Variants in ZC3H7B observed in about 807,000 individuals in gnomAD.
ZC3H7B encodes the protein zinc finger CCCH domain-containing protein 7B.
A neutral mutation model predicts 116.0 loss-of-function variants in ZC3H7B; 35 were observed. The ratio of observed to expected loss-of-function variants is 0.30; its 90% CI spans 0.23 to 0.40. The LOEUF is 0.40. ZC3H7B is among the 10% of genes least tolerant of loss of function. ZC3H7B has a pLI of 1.00. For missense variants in ZC3H7B, 1,011 were observed against 1,321.5 expected (o/e 0.77, Z 3.64); for synonymous variants, 502 against 545.6 (o/e 0.92, Z 1.11).
intron 5 of ZC3H7B, among the ~76,000 whole-genome samples, chr22:41,328,624 C>A (rs1022381641): frequency 6.6e-6 from 1 of 152,146 alleles, no homozygotes. Flanking sequence ...CTGCCCTGTT[C>A]GCTGGGGTAT....
chr22:41,331,390 C>T (rs1375967565), intron 6 of ZC3H7B, among the ~76,000 whole-genome samples: 1 of 139,912 alleles, frequency 7.1e-6, no homozygotes, highest in African/African-American at 2.8e-5. Context: ...CCTGTCTCTA[C>T]TAAAAATACG....
chr22:41,321,867 T>C (rs1441472893), intron 2 of ZC3H7B, among the ~76,000 whole-genome samples: 2 of 106,690 alleles, frequency 1.9e-5, no homozygotes, highest in East Asian at 6.8e-4. Context: ...TGAGACGGAG[T>C]CTCGCTCTGT....
intron 1 of ZC3H7B, among the ~76,000 whole-genome samples, chr22:41,305,086 C>T (rs1314434052): frequency 2.0e-5 from 3 of 152,186 alleles, no homozygotes; most frequent in Non-Finnish European, 2.9e-5. Context: ...GTGGCTCACG[C>T]CTGTAATCCC....
At position 41,330,817 on chromosome 22, in the gene ZC3H7B, C is replaced by G. The variant is rs963049002; in HGVS notation, c.525+714C>G. On this transcript the variant is annotated intron_variant, in intron 6 of 22. Coordinates refer to ENST00000352645, the MANE Select transcript of ZC3H7B (RefSeq NM_017590.6). ...ATTAGCTTGGGGTGGTGGCACATGC[C>G]TGTAATCCCAGCTACTCGGGAGGCT... Among the ~76,000 whole-genome samples the G allele has an allele frequency of 1.1e-4, 17 of 150,888 alleles. No individual in the cohort carries two copies. In the South Asian group the frequency reaches 3.6e-3, roughly 32 times the overall value.
intron 5 of ZC3H7B, among the ~76,000 whole-genome samples, chr22:41,328,958 G>A (rs972349172): frequency 2.0e-5 from 3 of 151,058 alleles, no homozygotes; most frequent in Non-Finnish European, 2.9e-5. Context: ...AGGCCGAGGC[G>A]GGTGGATCAC....
At chr22:41,314,249 C>T (rs545179996) in intron 1 of ZC3H7B, among the ~76,000 whole-genome samples, 26 of 150,552 alleles carry the variant, frequency 1.7e-4, no homozygotes, top group East Asian at 8.0e-4. Context: ...CTCTGCCTCC[C>T]GGGTTCAAGC....
chr22:41,311,068 CTTTTTTT>C (rs747090159), intron 1 of ZC3H7B, among the ~76,000 whole-genome samples: 2 of 132,142 alleles, frequency 1.5e-5, no homozygotes, highest in Admixed American at 7.6e-5. Flanking sequence ...CCCAGCCTCA[CTTTTTTT>C]TTTTTTTTTT....
At chr22:41,329,904 T>C in intron 5 of ZC3H7B, 119 bp from the exon 6 acceptor site, 1 of 975,436 alleles carries the variant, frequency 1.0e-6, no homozygotes, top group Non-Finnish European at 1.5e-6. Context: ...GGCCTCACTT[T>C]CTCATCTATA....
chr22:41,332,234 T>G lies in ZC3H7B; in HGVS notation c.582+7T>G, dbSNP rs776790324. ...GGCTGGCGTGGCAGATCAGGTAGGA[T>G]CGGGGCTGAACCAACCTGTCTCAGT... On this transcript the variant is annotated splice_region_variant and intron_variant, in intron 7 of 22. Transcript: ENST00000352645. 1 of 1,614,026 alleles carries G rather than the reference T, an allele frequency of 6.2e-7. No individual in the cohort carries two copies. Among genetic ancestry groups the G allele is most frequent in the African/African-American group, 1.3e-5 (1 of 74,922 alleles).
Position 41,338,636 on chromosome 22 carries a change from C to T in ZC3H7B, c.625+281C>T, listed in dbSNP as rs1307481918. ...GGCTGCCTGCACACCCCCACCTCTTCCAAAGCCCTTTCCCCTCCTCTTCCT... is the reference window on the plus strand; with the variant it reads ...GGCTGCCTGCACACCCCCACCTCTTTCAAAGCCCTTTCCCCTCCTCTTCCT... On this transcript the variant is annotated intron_variant, in intron 8 of 22. Transcript: ENST00000352645. This position sits in a 1 kb window ranked among gnomAD's most constrained non-coding sequence, Gnocchi z 4.5. Among the ~76,000 whole-genome samples, 1 of 152,210 alleles carries T rather than the reference C, an allele frequency of 6.6e-6. No individual in the cohort carries two copies. The highest frequency in any genetic ancestry group is 2.4e-5 in the African/African-American group (1 of 41,442).
At chr22:41,347,629 G>C (rs1304281275) in intron 14 of ZC3H7B, among the ~76,000 whole-genome samples, 1 of 152,090 alleles carries the variant, frequency 6.6e-6, no homozygotes, top group African/African-American at 2.4e-5. Context: ...GTTTGGTGCC[G>C]CTCAGTCCAA....
intron 5 of ZC3H7B, among the ~76,000 whole-genome samples, chr22:41,328,436 C>T (rs559162184): frequency 2.6e-5 from 4 of 152,312 alleles, no homozygotes; most frequent in Non-Finnish European, 2.9e-5. Context: ...GAGATGACTC[C>T]GACCCAGGCC....
chr22:41,337,574 C>T (rs2036462689), intron 7 of ZC3H7B, among the ~76,000 whole-genome samples: 1 of 152,192 alleles, frequency 6.6e-6, no homozygotes, highest in South Asian at 2.1e-4. Context: ...GGGCCTGGGG[C>T]TACCGTGGGA....
chr22:41,314,871 G>A (rs2036161044), intron 1 of ZC3H7B, among the ~76,000 whole-genome samples: 1 of 149,520 alleles, frequency 6.7e-6, no homozygotes, highest in African/African-American at 2.5e-5. Context: ...GCCTCCCAAA[G>A]TGCTGGGTTT....
intron 17 of ZC3H7B, among the ~76,000 whole-genome samples, chr22:41,353,133 T>C (rs914013420): frequency 6.6e-6 from 1 of 152,014 alleles, no homozygotes; most frequent in Admixed American, 6.5e-5. Flanking sequence ...TGAGACCTTG[T>C]AAATATCCCA....
At chr22:41,305,324 C>T (rs1252258902) in intron 1 of ZC3H7B, among the ~76,000 whole-genome samples, 1 of 143,472 alleles carries the variant, frequency 7.0e-6, no homozygotes, top group Admixed American at 7.3e-5. Flanking sequence ...GCCTGGGCGA[C>T]AGAGCAAGAC....
chr22:41,350,657 G>A (rs186006886), intron 16 of ZC3H7B, among the ~76,000 whole-genome samples: 1 of 152,336 alleles, frequency 6.6e-6, no homozygotes, highest in East Asian at 1.9e-4. Flanking sequence ...TTCTAAGAGG[G>A]GGCAGGCTGT....
At chr22:41,342,762 A>G (rs2036538344) in intron 12 of ZC3H7B, 134 bp downstream of exon 12, 4 of 878,378 alleles carry the variant, frequency 4.6e-6, no homozygotes, top group East Asian at 5.4e-5. Flanking sequence ...CCTCTGGGGC[A>G]GAAAAGGAAA....
At chr22:41,315,656 G>T (rs2036173521) in intron 1 of ZC3H7B, among the ~76,000 whole-genome samples, 1 of 152,062 alleles carries the variant, frequency 6.6e-6, no homozygotes, top group South Asian at 2.1e-4. Context: ...TTTGGTGAGG[G>T]CTCTCTTCCT....
Sources: allele counts gnomAD v4.1 joint callset (sites outside exome capture counted in the v4.1 genomes callset), GRCh38; gene constraint gnomAD v4.1.1; non-coding constraint Gnocchi (gnomAD v3.1); transcripts MANE v1.5; gene names NCBI Gene and HGNC (gene_info 2026-07-23, HGNC 2026-07-21).